Variants in ASPM observed in about 807,000 individuals in gnomAD.
ASPM encodes the protein abnormal spindle-like microcephaly-associated protein.
A neutral mutation model predicts 366.4 loss-of-function variants in ASPM; 256 were observed. The observed-to-expected ratio is 0.70, with a 90% confidence interval of 0.63 to 0.77. The LOEUF (loss-of-function observed/expected upper bound fraction) is 0.77. Among genes scored for constraint, ASPM ranks in the 30% least tolerant of loss-of-function variants. The pLI, the probability that ASPM is intolerant of heterozygous loss-of-function variation, is 0.00. For missense variants in ASPM, 4,146 were observed against 4,090.4 expected, an observed-to-expected ratio of 1.01 and a Z score of -0.37; for synonymous variants, 1,414 against 1,342.9, an observed-to-expected ratio of 1.05 and a Z score of -1.16.
chr1:197,097,222 C>T (rs1225572598), intron 18 of ASPM, among the ~76,000 whole-genome samples: 1 of 151,704 alleles, frequency 6.6e-6, no homozygotes, highest in Non-Finnish European at 1.5e-5. Context: ...GACAGATAAT[C>T]TCAAGTTGTA....
intron 9 of ASPM, 118 bp downstream of exon 9, chr1:197,129,069 C>A (rs564039685): frequency 8.5e-7 from 1 of 1,175,998 alleles, no homozygotes; most frequent in Non-Finnish European, 1.2e-6. Flanking sequence ...TATTTTACTC[C>A]TCTGAGTATT....
intron 17 of ASPM, among the ~76,000 whole-genome samples, chr1:197,113,589 G>T (rs1361274175): frequency 6.6e-6 from 1 of 151,868 alleles, no homozygotes; most frequent in African/African-American, 2.4e-5. Context: ...CATCTACAAG[G>T]CCTTAAGATA....
intron 10 of ASPM, among the ~76,000 whole-genome samples, chr1:197,127,894 G>A (rs1179707087): frequency 1.3e-5 from 2 of 152,098 alleles, no homozygotes; most frequent in Non-Finnish European, 2.9e-5. Context: ...GGCCAGGCAC[G>A]GTGGCTCATG....
At chr1:197,086,694 G>T (rs1656597861) in intron 27 of ASPM, 109 bp downstream of exon 27, 2 of 937,788 alleles carry the variant, frequency 2.1e-6, no homozygotes, top group Non-Finnish European at 1.7e-6. Flanking sequence ...TTCATATGTT[G>T]TTTCTCCACT....
At chr1:197,136,959 T>C (rs556235731) in intron 4 of ASPM, among the ~76,000 whole-genome samples, 1 of 152,194 alleles carries the variant, frequency 6.6e-6, no homozygotes, top group East Asian at 1.9e-4. Flanking sequence ...GAAAATAAAA[T>C]GTTCTGTTAG....
At chr1:197,088,167 G>A in intron 26 of ASPM, 89 bp downstream of exon 26, 1 of 1,411,552 alleles carries the variant, frequency 7.1e-7, no homozygotes, top group Non-Finnish European at 9.9e-7. Context: ...CTATTTTAGA[G>A]TGATAATTAC....
intron 10 of ASPM, among the ~76,000 whole-genome samples, chr1:197,127,149 A>G (rs1009871294): frequency 7.9e-5 from 12 of 152,198 alleles, no homozygotes; most frequent in Non-Finnish European, 1.2e-4. Context: ...ACATGGATAT[A>G]AGGTTTTCTA....
chr1:197,094,250 C>A, intron 19 of ASPM, 70 bp from the exon 20 acceptor site: 2 of 907,638 alleles, frequency 2.2e-6, no homozygotes, highest in South Asian at 1.4e-5. Flanking sequence ...ATTGCCTCCC[C>A]CCCTTTAAAA....
rs1656843485 is a variant in ASPM, at chr1:197,093,190, C to T, written c.9156G>A (p.Gln3052=). The T allele has an allele frequency of 2.5e-6, 4 of 1,612,692 alleles. No homozygotes were observed. In the East Asian group the frequency reaches 8.9e-5, roughly 36 times the overall value. The part of the protein sequence containing the change: ...GYKGRQVFLR[Q]KSAALIIQKY... ...TTTGTATGATCAAAGCAGCAGATTT[C>T]TGCCGAAGAAAGACCTGCCTTCCTT... Residue 3052 remains glutamine, a synonymous_variant, in exon 21 of 28, where the codon CAG becomes CAA. Transcript: ENST00000367409.
In ASPM at chr1:197,135,375, GA is replaced by G. The variant is rs1377629088; in HGVS notation, c.2027-134del. 3.5e-5 allele frequency: 30 copies of G among 868,370 alleles called. No individual in the cohort carries two copies. The East Asian group carries it at 7.4e-4, about 21-fold the overall frequency. The allele number at this position is 868,370 out of a possible 1,614,324, so 53.8% of individuals were successfully genotyped here. ...ATATTTGCTTTTCTACTACTTGCAGGAAAGAGCTGAAAGCATTTTGGGTAAG... is the reference window on the plus strand; with the variant it reads ...ATATTTGCTTTTCTACTACTTGCAGGAAGAGCTGAAAGCATTTTGGGTAAG... On this transcript the variant is annotated intron_variant, in intron 4 of 27. Coordinates refer to ENST00000367409, the MANE Select transcript of ASPM (RefSeq NM_018136.5).
chr1:197,101,730 T>C lies in ASPM; in HGVS notation c.7521A>G (p.Ser2507=), dbSNP rs557610850. ...YITFQTWKHA[S]ILIQQHYRTY... ...TTCGATAATGTTGCTGAATTAGAAT[T>C]GAAGCATGTTTCCAAGTCTGAAATG... The change falls in exon 18 of 28, where the codon TCA becomes TCG. Residue 2507 remains serine, a synonymous_variant. Coordinates refer to ENST00000367409, the MANE Select transcript of ASPM (RefSeq NM_018136.5). 30 of 1,612,358 alleles carry C rather than the reference T, an allele frequency of 1.9e-5. No homozygotes were observed. In the South Asian group the frequency reaches 2.6e-4, roughly 14 times the overall value.
At position 197,104,251 on chromosome 1, in the gene ASPM, C is replaced by T. The variant is rs754282386; in HGVS notation, c.5000G>A (p.Arg1667His). 2.2e-5 allele frequency: 36 copies of T among 1,612,704 alleles called. No individual in the cohort carries two copies. The highest frequency in any genetic ancestry group is 1.7e-4 in the Middle Eastern group (1 of 6,052). ...TSVIKIQSYY[R>H]AYVSKKEFLS... is the part of the protein sequence containing the mutation. The stretch of plus-strand genomic sequence containing the variant: ...AAATTCCTTTTTAGAAACATAAGCA[C>T]GATAATATGATTGAATCTTTATAAC... Residue 1667 changes from arginine to histidine, a missense_variant, in exon 18 of 28, where the codon CGT (arginine) becomes CAT (histidine). Coordinates refer to ENST00000367409, the MANE Select transcript of ASPM (RefSeq NM_018136.5).
At chr1:197,125,379 T>G (rs28706783) in intron 10 of ASPM, among the ~76,000 whole-genome samples, 188 bp from the exon 11 acceptor site, 1 of 152,138 alleles carries the variant, frequency 6.6e-6, no homozygotes, top group Non-Finnish European at 1.5e-5. Context: ...ATTTTAAGTT[T>G]GGGATTGAAG....
intron 7 of ASPM, 121 bp downstream of exon 7, chr1:197,132,164 C>G: frequency 2.7e-6 from 2 of 731,236 alleles, no homozygotes; most frequent in Non-Finnish European, 4.4e-6. Context: ...AAAGATGAAT[C>G]AAGCTAACCT....
In ASPM at chr1:197,142,363, T is replaced by C. The variant is rs919140752; in HGVS notation, c.1889A>G (p.Asn630Ser). ...CTTCTTCAGGTTTAATTTCTCTCTG[T>C]TGCTAATACGTTTTGAGATGGGTGT... Reference protein sequence around the residue: ...VTTPISKRISNREKLNLKKKT... With the variant: ...VTTPISKRISSREKLNLKKKT... Residue 630 changes from asparagine (N) to serine (S), a missense_variant, in exon 3 of 28, where the codon AAC becomes AGC. Physicochemically the swap from Asn to Ser is conservative, Grantham distance 46. Transcript: ENST00000367409. 6.2e-7 allele frequency: 1 copy of C among 1,613,768 alleles called. No individual in the cohort carries two copies. The highest frequency in any genetic ancestry group is 8.5e-7 in the Non-Finnish European group (1 of 1,179,796).
At chr1:197,109,270 T>A (rs6703400) in intron 17 of ASPM, among the ~76,000 whole-genome samples, 1 of 151,858 alleles carries the variant, frequency 6.6e-6, no homozygotes, top group East Asian at 1.9e-4. Context: ...ATTACACAGA[T>A]GCAAAACTCT....
At chr1:197,126,717 T>A (rs1413144247) in intron 10 of ASPM, among the ~76,000 whole-genome samples, 1 of 152,162 alleles carries the variant, frequency 6.6e-6, no homozygotes, top group African/African-American at 2.4e-5. Flanking sequence ...CTTGTGAGAA[T>A]ACTGATCAGA....
rs535380474 is a variant in ASPM at position 197,143,223 on chromosome 1, A to G, written c.1029T>C (p.Phe343=). The G allele has an allele frequency of 4.7e-5, 76 of 1,613,008 alleles. 1 individual carries two copies. The South Asian group carries it at 7.7e-4, about 16-fold the overall frequency. ...ELVTCLSSDM[F]MKDNSQPVHL... is the part of the protein sequence containing the mutation. ...GCACAGGCTGTGAATTATCTTTCAT[A>G]AACATATCTGATGAAAGACATGTTA... The change falls in exon 3 of 28, where the codon TTT becomes TTC. Residue 343 remains phenylalanine, a synonymous_variant. Coordinates refer to ENST00000367409, the MANE Select transcript of ASPM (RefSeq NM_018136.5).
intron 2 of ASPM, 37 bp from the exon 3 acceptor site, chr1:197,143,847 A>C (rs1658683732): frequency 6.3e-7 from 1 of 1,591,006 alleles, no homozygotes; most frequent in Non-Finnish European, 8.6e-7. Flanking sequence ...TTAAGTTTGT[A>C]GCTATTGAAT....
Sources: allele counts gnomAD v4.1 joint callset (sites outside exome capture counted in the v4.1 genomes callset), GRCh38; gene constraint gnomAD v4.1.1; transcripts MANE v1.5; gene names NCBI Gene and HGNC (gene_info 2026-07-23, HGNC 2026-07-21).